LONRF1: variants seen among roughly 807,000 people sequenced by gnomAD.
The protein encoded by LONRF1 is LON peptidase N-terminal domain and RING finger protein 1.
LONRF1 carries 37 observed loss-of-function variants against 85.8 expected under a neutral mutation model. The ratio of observed to expected loss-of-function variants is 0.43; its 90% CI spans 0.33 to 0.57. The LOEUF is 0.57. LONRF1 is among the 20% of genes least tolerant of loss of function. LONRF1 has a pLI of 0.04. For synonymous variants in LONRF1, 517 were observed against 390.1 expected, an observed-to-expected ratio of 1.33 and a Z score of -3.83; for missense variants, 1,036 against 978.0, an observed-to-expected ratio of 1.06 and a Z score of -0.79.
intron 1 of LONRF1, among the ~76,000 whole-genome samples, chr8:12,747,784 G>A (rs1179105940): frequency 6.6e-6 from 1 of 150,914 alleles, no homozygotes; most frequent in Non-Finnish European, 1.5e-5. Context: ...TAGAAAACTG[G>A]CTCATTTCAG....
chr8:12,728,786 G>T, intron 10 of LONRF1, 115 bp downstream of exon 10: 1 of 1,156,460 alleles, frequency 8.6e-7, no homozygotes, highest in Non-Finnish European at 1.2e-6. Flanking sequence ...TCATCACAGT[G>T]GTAAGGCTGT....
At chr8:12,752,653 T>C (rs949885267) in intron 1 of LONRF1, among the ~76,000 whole-genome samples, 3 of 152,206 alleles carry the variant, frequency 2.0e-5, no homozygotes, top group African/African-American at 7.2e-5. Context: ...CTTTTCCTGT[T>C]AAACATAATA....
At position 12,736,733 on chromosome 8, in the gene LONRF1, A is replaced by C. The variant is rs1281010293; in HGVS notation, c.1419T>G (p.Asp473Glu). Residue 473 changes from aspartate (D) to glutamate (E), a missense_variant, in exon 6 of 12, where the codon GAT becomes GAG. Physicochemically the swap from Asp to Glu is conservative, Grantham distance 45 (BLOSUM62 2). Coordinates refer to ENST00000398246, the MANE Select transcript of LONRF1 (RefSeq NM_152271.5). ...AGAGAGAACACTCGAAATCTGAGAC[A>C]TCGATTAATTCTTCTGGAATATCAC... The part of the protein sequence containing the change: ...AYGDIPEELI[D>E]VSDFECSLCM... 6.2e-7 allele frequency: 1 copy of C among 1,611,440 alleles called. No individual in the cohort carries two copies. Among genetic ancestry groups the C allele is most frequent in the East Asian group, 2.2e-5 (1 of 44,768 alleles).
rs866839384 is a variant in LONRF1 at position 12,738,170 on chromosome 8, A to C, written c.964-26T>G. On this transcript the variant is annotated intron_variant, in intron 3 of 11. Transcript: ENST00000398246. The stretch of plus-strand genomic sequence containing the variant: ...CTGTAAGAGAAATATTAAAAGTAGT[A>C]GAAAATATAAAATATTTGGTTAAGG... 3 of 1,375,898 alleles carry C rather than the reference A, an allele frequency of 2.2e-6. No homozygotes were observed. In the Middle Eastern group the frequency reaches 5.8e-4, roughly 264 times the overall value. The allele number at this position is 1,375,898 out of a possible 1,614,324, so 85.2% of individuals were successfully genotyped here.
Position 12,725,826 on chromosome 8 carries a change from G to T in LONRF1, c.2064C>A (p.Tyr688Ter). Residue 688 changes from tyrosine (Y) to a stop codon, truncating the protein, a stop_gained, in exon 11 of 12, where the codon TAC becomes TAA. Coordinates refer to ENST00000398246, the MANE Select transcript of LONRF1 (RefSeq NM_152271.5). LOFTEE classifies it high-confidence loss of function. ...TCTGAAACCAGCTGCAGGCTTGAGA[G>T]TAAACCAAATCATGAAGCTCTCTGA... ...KNLRELHDLV[Y>*]SQACSWFQNL... 1 of 1,613,444 alleles carries T rather than the reference G, an allele frequency of 6.2e-7. No homozygotes were observed. The highest frequency in any genetic ancestry group is 1.1e-5 in the South Asian group (1 of 91,034).
intron 10 of LONRF1, among the ~76,000 whole-genome samples, chr8:12,726,279 A>G (rs1798300423): frequency 6.6e-6 from 1 of 152,238 alleles, no homozygotes; most frequent in Non-Finnish European, 1.5e-5. Flanking sequence ...CAAAAAAAGA[A>G]AAGATAAGTA....
At chr8:12,743,136 T>G in intron 2 of LONRF1, 28 bp downstream of exon 2, 3 of 1,419,480 alleles carry the variant, frequency 2.1e-6, no homozygotes, top group Non-Finnish European at 3.0e-6. Context: ...ATTTTACAAT[T>G]TATGCAAACA....
rs192134395 is a variant in LONRF1, at chr8:12,722,334, T to C, written c.*762A>G. 27 of 152,782 alleles carry C rather than the reference T, an allele frequency of 1.8e-4. No individual in the cohort carries two copies. In the East Asian group the frequency reaches 4.4e-3, roughly 25 times the overall value. 9.5% of individuals were successfully genotyped at this position (152,782 alleles called of 1,614,324 possible). On this transcript the variant is annotated 3_prime_UTR_variant, in exon 12 of 12. Transcript: ENST00000398246. ...TACTGAATTGAGTTCTCCCTTTACC[T>C]TTATGTACAATTAAATGTAAACCAT...
chr8:12,751,296 G>GTT (rs869038024), intron 1 of LONRF1, among the ~76,000 whole-genome samples: 6,242 of 69,658 alleles, frequency 0.09, 506 homozygotes, highest in South Asian at 0.13. Context: ...TTATTTTTAT[G>GTT]TTTTTTTTTT....
At chr8:12,733,785 G>C (rs2117259943) in intron 7 of LONRF1, among the ~76,000 whole-genome samples, 1 of 152,236 alleles carries the variant, frequency 6.6e-6, no homozygotes, top group Middle Eastern at 3.4e-3. Context: ...ATGGAAAAAT[G>C]AGCAAAATAA....
rs769510586 is a variant in LONRF1, at chr8:12,737,089, G to C, written c.1165C>G (p.Arg389Gly). The change falls in exon 5 of 12, where the codon CGT becomes GGT. Residue 389 changes from arginine to glycine, a missense_variant. Physicochemically the swap from Arg to Gly is moderately radical, Grantham distance 125 (BLOSUM62 -2). Coordinates refer to ENST00000398246, the MANE Select transcript of LONRF1 (RefSeq NM_152271.5). ...TSEPVKGSLN[R>G]AQSAQSINST... ...TTTATAGACTGTGCTGACTGAGCACGGTTTAAGCTTCCTTTGACAGGCTCT... is the reference window on the plus strand; with the variant it reads ...TTTATAGACTGTGCTGACTGAGCACCGTTTAAGCTTCCTTTGACAGGCTCT... 1.2e-6 allele frequency: 2 copies of C among 1,613,354 alleles called. No homozygotes were observed. The highest frequency in any genetic ancestry group is 1.7e-6 in the Non-Finnish European group (2 of 1,179,520).
intron 1 of LONRF1, among the ~76,000 whole-genome samples, chr8:12,749,029 C>T (rs1236248596): frequency 6.6e-6 from 1 of 152,174 alleles, no homozygotes; most frequent in East Asian, 1.9e-4. Context: ...CTATAATATG[C>T]TTACCTCTAA....
At chr8:12,723,766 A>G (rs955707235) in intron 11 of LONRF1, among the ~76,000 whole-genome samples, 3 of 152,254 alleles carry the variant, frequency 2.0e-5, no homozygotes, top group Non-Finnish European at 4.4e-5. Flanking sequence ...TGAGCTATAG[A>G]TTTAAAGCAT....
intron 8 of LONRF1, among the ~76,000 whole-genome samples, chr8:12,729,956 C>T (rs1303822579): frequency 6.6e-6 from 1 of 152,166 alleles, no homozygotes; most frequent in Non-Finnish European, 1.5e-5. Flanking sequence ...CATGGGGGCA[C>T]TCTGAAACAG....
At chr8:12,753,763 A>C (rs1243025343) in intron 1 of LONRF1, 1 of 152,254 alleles carries the variant, frequency 6.6e-6, no homozygotes, top group Non-Finnish European at 1.5e-5. Context: ...AGAAAGTGCT[A>C]ACCTAGGTTA....
At chr8:12,748,723 T>C (rs1372850070) in intron 1 of LONRF1, among the ~76,000 whole-genome samples, 2 of 152,212 alleles carry the variant, frequency 1.3e-5, no homozygotes, top group Non-Finnish European at 2.9e-5. Context: ...TCTATTCATA[T>C]TCCTTTTCTC....
chr8:12,727,720 G>C (rs1798374105), intron 10 of LONRF1, among the ~76,000 whole-genome samples: 1 of 152,184 alleles, frequency 6.6e-6, no homozygotes, highest in Admixed American at 6.5e-5. Flanking sequence ...CCTTTAGCAA[G>C]TGATTCCATT....
At chr8:12,748,807 A>ATTTTTT (rs58300554) in intron 1 of LONRF1, among the ~76,000 whole-genome samples, 6 of 146,334 alleles carry the variant, frequency 4.1e-5, no homozygotes, top group South Asian at 2.1e-4. Context: ...CAGAATATCA[A>ATTTTTT]TTTTTTTTTT....
At chr8:12,724,743 C>T (rs1232902116) in intron 11 of LONRF1, among the ~76,000 whole-genome samples, 1 of 152,092 alleles carries the variant, frequency 6.6e-6, no homozygotes, top group Non-Finnish European at 1.5e-5. Flanking sequence ...TTATCAAAGC[C>T]CATTTCTGTG....
Sources: gnomAD v4.1 joint callset for allele counts (sites outside exome capture counted in the v4.1 genomes callset) on GRCh38, gnomAD v4.1.1 for gene constraint, MANE v1.5 for transcripts, NCBI Gene and HGNC (gene_info 2026-07-23, HGNC 2026-07-21) for gene names.